Variants in CILP observed in about 807,000 individuals in gnomAD.
The protein encoded by CILP is cartilage intermediate layer protein 1.
A neutral mutation model predicts 82.5 loss-of-function variants in CILP; 75 were observed. The ratio of observed to expected loss-of-function variants is 0.91; its 90% CI spans 0.75 to 1.10. The LOEUF is 1.10. Among genes scored for constraint, CILP ranks in the 50% least tolerant of loss-of-function variants. The pLI is 0.00. For missense variants in CILP, 1,479 were observed against 1,530.8 expected (o/e 0.97, Z 0.56); for synonymous variants, 530 against 580.3 (o/e 0.91, Z 1.25).
intron 4 of CILP, among the ~76,000 whole-genome samples, 168 bp from the exon 5 acceptor site, chr15:65,205,634 C>T (rs527901306): frequency 2.0e-3 from 307 of 152,324 alleles, no homozygotes; most frequent in Admixed American, 3.5e-3. Context: ...AGACAAAATT[C>T]TTGAGGAAGT....
chr15:65,204,691 C>A, intron 5 of CILP, 109 bp from the exon 6 acceptor site: 1 of 1,107,452 alleles, frequency 9.0e-7, no homozygotes, highest in Non-Finnish European at 1.2e-6. Context: ...CCTCCCTTAT[C>A]AGCCTGCATG....
At position 65,196,629 on chromosome 15, in the gene CILP, G is replaced by T; in HGVS notation, c.*102C>A. 1 of 1,087,132 alleles carries T rather than the reference G, an allele frequency of 9.2e-7. No individual in the cohort carries two copies. Among genetic ancestry groups the T allele is most frequent in the Non-Finnish European group, 1.3e-6 (1 of 774,012 alleles). 67.3% of individuals were successfully genotyped at this position (1,087,132 alleles called of 1,614,324 possible). On this transcript the variant is annotated 3_prime_UTR_variant, in exon 9 of 9. Coordinates refer to ENST00000261883, the MANE Select transcript of CILP (RefSeq NM_003613.4). ...TGAAGAAACAAACAAGCAAATTCAC[G>T]AAAACAGAAGTGCTTAAATTAACCA...
intron 2 of CILP, among the ~76,000 whole-genome samples, chr15:65,208,605 C>T (rs529685888): frequency 5.9e-5 from 9 of 152,172 alleles, no homozygotes; most frequent in Admixed American, 2.0e-4. Flanking sequence ...ATTTTCCATA[C>T]GAGGCTGGCA....
At position 65,196,268 on chromosome 15, in the gene CILP, GT is replaced by G. The variant is rs2088359795; in HGVS notation, c.*462del. 1 of 154,100 alleles carries G rather than the reference GT, an allele frequency of 6.5e-6. No individual in the cohort carries two copies. The highest frequency in any genetic ancestry group is 2.4e-5 in the African/African-American group (1 of 41,640). 9.5% of individuals were successfully genotyped at this position (154,100 alleles called of 1,614,324 possible). ...TTTACATTTCAAGTAAAAGTATTGT[GT>G]TTTATTTCTTTATTTCACCACCATT... On this transcript the variant is annotated 3_prime_UTR_variant, in exon 9 of 9. Transcript: ENST00000261883.
rs560717934 is a variant in CILP, at chr15:65,202,466, C to T, written c.1029-437G>A. Among the ~76,000 whole-genome samples the T allele has an allele frequency of 4.6e-5, 7 of 151,664 alleles. No homozygotes were observed. The East Asian group carries it at 7.8e-4, about 17-fold the overall frequency. On this transcript the variant is annotated intron_variant, in intron 7 of 8. Transcript: ENST00000261883. ...TTCCTGAGATGGAGTCTTGCTCTGT[C>T]GCCTAGGCTAGAGTACAGTGGCATG...
Position 65,209,815 on chromosome 15 carries a change from C to G in CILP, c.-60G>C. 1.5e-5 allele frequency: 22 copies of G among 1,469,414 alleles called. No homozygotes were observed. Among genetic ancestry groups the G allele is most frequent in the Non-Finnish European group, 1.9e-5 (20 of 1,048,868 alleles). The allele number at this position is 1,469,414 out of a possible 1,614,324, so 91.0% of individuals were successfully genotyped here. A position where few individuals can be genotyped will look rare whatever the true frequency, so the allele number is the denominator to read the frequency against. ...TAGATGTGGGTGCTTCACAGAGTCACTGACTCTGGAATGCGGTCCCCTGGG... is the reference window on the plus strand; with the variant it reads ...TAGATGTGGGTGCTTCACAGAGTCAGTGACTCTGGAATGCGGTCCCCTGGG... On this transcript the variant is annotated 5_prime_UTR_variant, in exon 2 of 9. Transcript: ENST00000261883.
chr15:65,200,002 G>A (rs1349154465), intron 8 of CILP, among the ~76,000 whole-genome samples: 1 of 152,078 alleles, frequency 6.6e-6, no homozygotes, highest in Non-Finnish European at 1.5e-5. Context: ...CATTACCCAA[G>A]GACTGTGAAT....
chr15:65,209,715 A>C lies in CILP; in HGVS notation c.41T>G (p.Leu14Arg). ...TKAWVFSFLV[L>R]EVTSVLGRQT... ...TATACCCAACACAGATGTGACTTCC[A>C]GGACCAGGAAGGAGAACACCCAGGC... Residue 14 changes from leucine (L) to arginine (R), a missense_variant, in exon 2 of 9, where the codon CTG (leucine) becomes CGG (arginine). By Grantham distance (102) the Leu-to-Arg change is moderately radical. Transcript: ENST00000261883. 1 of 1,614,144 alleles carries C rather than the reference A, an allele frequency of 6.2e-7. No homozygotes were observed. The highest frequency in any genetic ancestry group is 1.3e-5 in the African/African-American group (1 of 75,042).
Position 65,196,866 on chromosome 15 carries a change from G to T in CILP, c.3420C>A (p.Ser1140=), listed in dbSNP as rs2088369352. 2 of 1,613,902 alleles carry T rather than the reference G, an allele frequency of 1.2e-6. No homozygotes were observed. The highest frequency in any genetic ancestry group is 1.7e-6 in the Non-Finnish European group (2 of 1,179,940). The part of the protein sequence containing the change: ...FQYLQSTPAQ[S]PAAGTVQGRV... ...TTCCTTGGACAGTGCCTGCAGCAGG[G>T]GACTGGGCTGGGGTGCTTTGGAGGT... is the stretch of plus-strand genomic sequence containing the variant. Residue 1140 remains serine (S), a synonymous_variant, in exon 9 of 9, where the codon TCC becomes TCA. Transcript: ENST00000261883.
rs775403820 is a variant in CILP, at chr15:65,198,035, G to T, written c.2251C>A (p.Arg751=). 1.3e-5 allele frequency: 21 copies of T among 1,614,064 alleles called. No individual in the cohort carries two copies. In the Admixed American group the frequency reaches 2.7e-4, roughly 20 times the overall value. ...TAGGCCCTCACCTTAACAAAGCACC[G>T]CCTGCTTTCAGGAACATCCAGGTTA... ...LFNLDVPESR[R]CFVKVRAYRS... The change falls in exon 9 of 9, where the codon CGG becomes AGG. Residue 751 remains arginine, a synonymous_variant. Transcript: ENST00000261883.
chr15:65,197,034 AG>A lies in CILP; in HGVS notation c.3251del (p.Pro1084LeufsTer24). 1 of 1,614,200 alleles carries A rather than the reference AG, an allele frequency of 6.2e-7. No homozygotes were observed. Among genetic ancestry groups the A allele is most frequent in the East Asian group, 2.2e-5 (1 of 44,886 alleles). The stretch of plus-strand genomic sequence containing the variant: ...CGAGCGCGATCTCCTTGGCCGTGCG[AG>A]GGTCCTGGTCAGTGACAGTGTAGAT... ...YGIYTVTDQD[P>X]RTAKEIALGR... On this transcript the variant is annotated frameshift_variant, in exon 9 of 9. Coordinates refer to ENST00000261883, the MANE Select transcript of CILP (RefSeq NM_003613.4). LOFTEE classifies it high-confidence loss of function.
intron 7 of CILP, among the ~76,000 whole-genome samples, chr15:65,202,264 A>G (rs2073710): frequency 0.016 from 2,426 of 152,130 alleles, 48 homozygotes; most frequent in African/African-American, 0.041. Flanking sequence ...AACCTCCCCC[A>G]CCCCATCTCA....
chr15:65,205,203 G>T, intron 5 of CILP, 84 bp downstream of exon 5: 1 of 1,314,844 alleles, frequency 7.6e-7, no homozygotes. Context: ...GAATCCATCA[G>T]TCTCAAACTG....
rs1267920625 is a variant in CILP, at chr15:65,197,309, T to G, written c.2977A>C (p.Thr993Pro). The G allele has an allele frequency of 6.2e-7, 1 of 1,614,064 alleles. No individual in the cohort carries two copies. Among genetic ancestry groups the G allele is most frequent in the Middle Eastern group, 1.6e-4 (1 of 6,062 alleles). ...ACATTGGGCTGGTCCCTGTCCCGAGTGCTCCTCACATCTCGGATTCCATAC... is the reference window on the plus strand; with the variant it reads ...ACATTGGGCTGGTCCCTGTCCCGAGGGCTCCTCACATCTCGGATTCCATAC... ...KLYGIRDVRS[T>P]RDRDQPNVSA... The change falls in exon 9 of 9, where the codon ACT becomes CCT. Residue 993 changes from threonine to proline, a missense_variant. Physicochemically the swap from Thr to Pro is conservative, Grantham distance 38. Transcript: ENST00000261883.
chr15:65,204,843 A>G lies in CILP; in HGVS notation c.605-261T>C, dbSNP rs541251456. On this transcript the variant is annotated intron_variant, in intron 5 of 8. Transcript: ENST00000261883. ...AGACCAGCCTGGCCAACATGGTGAAACCTTGTCTCTACAAAAAATACAAAA... is the reference window on the plus strand; with the variant it reads ...AGACCAGCCTGGCCAACATGGTGAAGCCTTGTCTCTACAAAAAATACAAAA... Among the ~76,000 whole-genome samples the G allele has an allele frequency of 1.2e-4, 18 of 152,266 alleles. No individual in the cohort carries two copies. In the East Asian group the frequency reaches 3.5e-3, roughly 29 times the overall value.
intron 8 of CILP, among the ~76,000 whole-genome samples, chr15:65,200,602 C>T (rs980116069): frequency 4.6e-5 from 7 of 152,218 alleles, no homozygotes; most frequent in African/African-American, 1.7e-4. Flanking sequence ...TTGTAAAGCC[C>T]CCTCAGTTCC....
At chr15:65,208,569 T>C (rs889702240) in intron 2 of CILP, among the ~76,000 whole-genome samples, 2 of 152,200 alleles carry the variant, frequency 1.3e-5, no homozygotes, top group African/African-American at 4.8e-5. Flanking sequence ...AAGACTCCTA[T>C]GGCCTAATTG....
In CILP at chr15:65,196,604, T is replaced by C. The variant is rs1034318833; in HGVS notation, c.*127A>G. ...GCATGGGACAAAGTAAGTAAAGGCA[T>C]GAAGAAACAAACAAGCAAATTCACG... On this transcript the variant is annotated 3_prime_UTR_variant, in exon 9 of 9. Coordinates refer to ENST00000261883, the MANE Select transcript of CILP (RefSeq NM_003613.4). 5 of 830,586 alleles carry C rather than the reference T, an allele frequency of 6.0e-6. No individual in the cohort carries two copies. The highest frequency in any genetic ancestry group is 9.0e-6 in the Non-Finnish European group (5 of 553,170). The allele number at this position is 830,586 out of a possible 1,614,324, so 51.5% of individuals were successfully genotyped here.
rs889162749 is a variant in CILP, at chr15:65,195,046, A to G, written c.*1685T>C. 1 of 152,202 alleles carries G rather than the reference A, an allele frequency of 6.6e-6. No homozygotes were observed. The highest frequency in any genetic ancestry group is 1.5e-5 in the Non-Finnish European group (1 of 68,080). The allele number at this position is 152,202 out of a possible 1,614,324, so 9.4% of individuals were successfully genotyped here. A position where few individuals can be genotyped will look rare whatever the true frequency, so the allele number is the denominator to read the frequency against. ...CTGCTTCCTGGGAGCAGTGGGACAG[A>G]TGTGGAGTCTGGAAGTGGGTCAAGT... On this transcript the variant is annotated 3_prime_UTR_variant, in exon 9 of 9. Transcript: ENST00000261883.
Sources: gnomAD v4.1 joint callset for allele counts (sites outside exome capture counted in the v4.1 genomes callset) on GRCh38, gnomAD v4.1.1 for gene constraint, MANE v1.5 for transcripts, NCBI Gene and HGNC (gene_info 2026-07-23, HGNC 2026-07-21) for gene names.